Variants in NSD1 observed in about 807,000 individuals in gnomAD.
NSD1 encodes the protein nuclear receptor binding SET domain protein 1, also known as histone-lysine N-methyltransferase, H3 lysine-36 specific.
NSD1 carries 26 observed loss-of-function variants against 242.7 expected under a neutral mutation model. The observed-to-expected ratio is 0.11, with a 90% CI of 0.08 to 0.15. The LOEUF is 0.15. Among genes scored for constraint, NSD1 ranks in the 10% least tolerant of loss-of-function variants. The pLI is 1.00. For synonymous variants in NSD1, 1,106 were observed against 1,178.1 expected (o/e 0.94, Z 1.25); for missense variants, 2,495 against 3,272.8 (o/e 0.76, Z 5.80).
intron 2 of NSD1, among the ~76,000 whole-genome samples, chr5:177,164,556 G>C (rs1321993514): frequency 6.6e-6 from 1 of 152,126 alleles, no homozygotes; most frequent in Non-Finnish European, 1.5e-5. Flanking sequence ...TATCTATGAA[G>C]TAATAAAATG....
intron 11 of NSD1, among the ~76,000 whole-genome samples, chr5:177,249,813 T>C (rs1264912924): frequency 1.3e-5 from 2 of 152,138 alleles, no homozygotes; most frequent in Middle Eastern, 3.2e-3. Flanking sequence ...ATTGAAACCA[T>C]AGGCCAAGCA....
Position 177,269,590 on chromosome 5 carries a change from C to T in NSD1, c.5304-12C>T. The T allele has an allele frequency of 6.2e-7, 1 of 1,613,776 alleles. No homozygotes were observed. Among genetic ancestry groups the T allele is most frequent in the Non-Finnish European group, 8.5e-7 (1 of 1,179,716 alleles). On this transcript the variant is annotated splice_polypyrimidine_tract_variant and intron_variant, in intron 15 of 22. Transcript: ENST00000439151. This position sits in a 1 kb window ranked among gnomAD's most constrained non-coding sequence, Gnocchi z 5.1. ...TTCTAGAGGTTTTCCTTCTCCTTTT[C>T]ACCTTTCCCAGGTGGTGGCCAGCTG...
chr5:177,258,180 A>G (rs1356783461), intron 13 of NSD1, among the ~76,000 whole-genome samples: 1 of 149,658 alleles, frequency 6.7e-6, no homozygotes, highest in South Asian at 2.1e-4. Flanking sequence ...GAGTTTCTCC[A>G]TGTTGGTCAG....
At chr5:177,280,949 C>T (rs1758823080) in intron 18 of NSD1, 115 bp downstream of exon 18, 3 of 1,180,206 alleles carry the variant, frequency 2.5e-6, no homozygotes, top group Non-Finnish European at 3.7e-6. Context: ...AATAATTAAC[C>T]TTATTGTTGT....
chr5:177,142,618 T>C (rs546523976), intron 2 of NSD1, among the ~76,000 whole-genome samples: 6 of 152,350 alleles, frequency 3.9e-5, no homozygotes, highest in African/African-American at 1.4e-4. Flanking sequence ...GATAGGCTTA[T>C]ATGCCGTGCT....
intron 17 of NSD1, among the ~76,000 whole-genome samples, chr5:177,277,433 C>A (rs1758489346): frequency 6.6e-6 from 1 of 152,094 alleles, no homozygotes; most frequent in African/African-American, 2.4e-5. Context: ...ATGTGGAGAT[C>A]TATGGCCTGC....
chr5:177,283,992 C>T (rs1270131076), intron 20 of NSD1, 64 bp downstream of exon 20: 1 of 1,555,830 alleles, frequency 6.4e-7, no homozygotes, highest in Non-Finnish European at 8.9e-7. Flanking sequence ...TTTTTACAAA[C>T]AGCTTCCTCA....
At chr5:177,187,435 T>C (rs1449318757) in intron 2 of NSD1, among the ~76,000 whole-genome samples, 1 of 152,188 alleles carries the variant, frequency 6.6e-6, no homozygotes, top group African/African-American at 2.4e-5. Flanking sequence ...CCTCAGTTTC[T>C]TTATCTGCAA....
Position 177,216,378 on chromosome 5 carries a change from C to T in NSD1, c.3796+4183C>T, listed in dbSNP as rs182578721. Among the ~76,000 whole-genome samples, 10 of 151,488 alleles carry T rather than the reference C, an allele frequency of 6.6e-5. No homozygotes were observed. The East Asian group carries it at 1.9e-3, about 29-fold the overall frequency. On this transcript the variant is annotated intron_variant, in intron 5 of 22. Coordinates refer to ENST00000439151, the MANE Select transcript of NSD1 (RefSeq NM_022455.5). ...GCTTTTTAAAAAATTTTTACTTGTGCTTTGGGTCTCATAGCCAGGAAATTC... is the reference window on the plus strand; with the variant it reads ...GCTTTTTAAAAAATTTTTACTTGTGTTTTGGGTCTCATAGCCAGGAAATTC...
intron 2 of NSD1, among the ~76,000 whole-genome samples, chr5:177,161,407 T>G (rs1397929255): frequency 6.6e-6 from 1 of 151,502 alleles, no homozygotes; most frequent in Non-Finnish European, 1.5e-5. Context: ...GTGATTAGGC[T>G]GGGAGGGTGG....
intron 16 of NSD1, among the ~76,000 whole-genome samples, chr5:177,270,627 G>C (rs1293534928): frequency 1.3e-5 from 2 of 152,186 alleles, no homozygotes; most frequent in African/African-American, 4.8e-5. Context: ...AGCTTATGAT[G>C]GGATTACATC....
In NSD1 at chr5:177,210,756, A is replaced by G. The variant is rs1387964215; in HGVS notation, c.2357A>G (p.Lys786Arg). The change falls in exon 5 of 23, where the codon AAG becomes AGG. Residue 786 changes from lysine (K) to arginine (R), a missense_variant. This residue lies in a region of NSD1 where 515 missense variants were observed against 467.0 expected (regional missense o/e 1.10). Transcript: ENST00000439151. ...ALLHSKSKQP[K>R]FRSIKCKHKE... ...TTACATTCGAAAAGCAAACAGCCCAAGTTCCGAAGTATAAAGTGCAAACAC... is the reference window on the plus strand; with the variant it reads ...TTACATTCGAAAAGCAAACAGCCCAGGTTCCGAAGTATAAAGTGCAAACAC... The G allele has an allele frequency of 6.2e-7, 1 of 1,614,224 alleles. No homozygotes were observed. The highest frequency in any genetic ancestry group is 1.1e-5 in the South Asian group (1 of 91,084).
Position 177,299,861 on chromosome 5 carries a change from G to A in NSD1, c.*4402G>A, listed in dbSNP as rs1444742799. ...GGGTTGGGGCAGGCCAGAGCAAGGC[G>A]GTCTCATCGAGGTGGGTGCTACCTG... On this transcript the variant is annotated 3_prime_UTR_variant, in exon 23 of 23. Transcript: ENST00000439151. The A allele has an allele frequency of 4.3e-6, 1 of 233,360 alleles. No homozygotes were observed. The highest frequency in any genetic ancestry group is 6.0e-5 in the East Asian group (1 of 16,598). The allele number at this position is 233,360 out of a possible 1,614,324, so 14.5% of individuals were successfully genotyped here.
intron 2 of NSD1, among the ~76,000 whole-genome samples, chr5:177,145,908 C>CAA (rs35091295): frequency 0.019 from 2,313 of 119,692 alleles, 52 homozygotes; most frequent in African/African-American, 0.044. Context: ...AACTCCATCT[C>CAA]AAAAAAAAAA....
Position 177,135,282 on chromosome 5 carries a change from C to G in NSD1, c.179C>G (p.Ala60Gly). ...LSTVSGTSQN[A>G]YGQDSPSCYI... ...ACTGTCAGTGGAACATCCCAAAATG[C>G]TTATGGACAAGATTCTCCATCTTGT... The change falls in exon 2 of 23, where the codon GCT becomes GGT. Residue 60 changes from alanine (A) to glycine (G), a missense_variant. By Grantham distance (60) the Ala-to-Gly change is moderately conservative. Transcript: ENST00000439151. 1 of 1,613,688 alleles carries G rather than the reference C, an allele frequency of 6.2e-7. No homozygotes were observed.
chr5:177,265,644 C>T (rs1581483614), intron 14 of NSD1: 1 of 1,604,224 alleles, frequency 6.2e-7, no homozygotes, highest in Non-Finnish European at 8.5e-7. Flanking sequence ...ATGGTGAAGT[C>T]CCGGTCCCAG....
In NSD1 at chr5:177,296,507, C is replaced by G. The variant is rs1479876600; in HGVS notation, c.*1048C>G. 4.3e-6 allele frequency: 1 copy of G among 233,124 alleles called. No homozygotes were observed. Among genetic ancestry groups the G allele is most frequent in the East Asian group, 6.0e-5 (1 of 16,608 alleles). 14.4% of individuals were successfully genotyped at this position (233,124 alleles called of 1,614,324 possible). A position where few individuals can be genotyped will look rare whatever the true frequency, so the allele number is the denominator to read the frequency against. On this transcript the variant is annotated 3_prime_UTR_variant, in exon 23 of 23. Transcript: ENST00000439151. ...GACACACCAGCTTCAGGAAGAGTAC[C>G]AGATCCTGATGGGAAATTTCTTTTC...
Position 177,280,418 on chromosome 5 carries a change from C to G in NSD1, c.5623-147C>G. ...CATATTTTGTATGTCAAGTGAGGCT[C>G]TGTTTTTATATGAAACTAAGTGTTG... On this transcript the variant is annotated intron_variant, in intron 17 of 22. Coordinates refer to ENST00000439151, the MANE Select transcript of NSD1 (RefSeq NM_022455.5). 4 of 884,800 alleles carry G rather than the reference C, an allele frequency of 4.5e-6. No individual in the cohort carries two copies. In the South Asian group the frequency reaches 5.5e-5, roughly 12 times the overall value. 54.8% of individuals were successfully genotyped at this position (884,800 alleles called of 1,614,324 possible). A position where few individuals can be genotyped will look rare whatever the true frequency, so the allele number is the denominator to read the frequency against.
intron 3 of NSD1, among the ~76,000 whole-genome samples, chr5:177,201,476 A>G (rs1762504421): frequency 6.6e-6 from 1 of 151,792 alleles, no homozygotes; most frequent in South Asian, 2.1e-4. Flanking sequence ...AGTGTTTAGA[A>G]CTACTTGTAG....
Sources: allele counts gnomAD v4.1 joint callset (sites outside exome capture counted in the v4.1 genomes callset), GRCh38; gene constraint gnomAD v4.1.1; regional missense constraint gnomAD v4.1.1; non-coding constraint Gnocchi (gnomAD v3.1); transcripts MANE v1.5; gene names NCBI Gene and HGNC (gene_info 2026-07-23, HGNC 2026-07-21).